Variants in ZBTB10 observed in about 807,000 individuals in gnomAD.
ZBTB10 encodes zinc finger and BTB domain-containing protein 10.
ZBTB10 carries 32 observed loss-of-function variants against 76.4 expected under a neutral mutation model. The ratio of observed to expected loss-of-function variants is 0.42; its 90% CI spans 0.32 to 0.56. ZBTB10 has a LOEUF of 0.56. ZBTB10 is among the 20% of genes least tolerant of loss of function. The probability of loss-of-function intolerance (pLI) is 0.14; values close to 1 mark genes in which losing one functional copy is unlikely to be tolerated. For missense variants in ZBTB10, 1,057 were observed against 1,098.5 expected, an observed-to-expected ratio of 0.96 and a Z score of 0.53; for synonymous variants, 523 against 432.9, an observed-to-expected ratio of 1.21 and a Z score of -2.58.
Position 80,487,771 on chromosome 8 carries a change from G to A in ZBTB10, c.961G>A (p.Ala321Thr), listed in dbSNP as rs199498627. 2.7e-4 allele frequency: 435 copies of A among 1,596,986 alleles called. No individual in the cohort carries two copies. The Middle Eastern group carries it at 3.5e-3, about 13-fold the overall frequency. Residue 321 changes from alanine (A) to threonine (T), a missense_variant, in exon 1 of 6, where the codon GCC (alanine) becomes ACC (threonine). By Grantham distance (58) the Ala-to-Thr change is moderately conservative. This residue lies in a region of ZBTB10 where 556 missense variants were observed against 451.7 expected (regional missense o/e 1.23). Transcript: ENST00000455036. ...CTCTACCGAGCACAAACTCCACGAA[G>A]CCAACGCCCAGGTACAGTATATCCT... The part of the protein sequence containing the change: ...HVSTEHKLHE[A>T]NAQESEIPSE...
intron 3 of ZBTB10, among the ~76,000 whole-genome samples, chr8:80,515,708 AGTATTTTT>A (rs1816310491): frequency 6.6e-6 from 1 of 152,210 alleles, no homozygotes; most frequent in South Asian, 2.1e-4. Context: ...TCGATTCATT[AGTATTTTT>A]GCATCTGAGA....
At chr8:80,512,525 A>T (rs893281504) in intron 2 of ZBTB10, among the ~76,000 whole-genome samples, 4 of 152,170 alleles carry the variant, frequency 2.6e-5, no homozygotes, top group Non-Finnish European at 5.9e-5. Context: ...AGCCTGGGCA[A>T]CATAGTGAGA....
At chr8:80,496,169 A>T (rs1439540358) in intron 1 of ZBTB10, among the ~76,000 whole-genome samples, 1 of 152,146 alleles carries the variant, frequency 6.6e-6, no homozygotes, top group East Asian at 1.9e-4. Flanking sequence ...GTTATTAGGG[A>T]CCTATTTTGA....
chr8:80,500,303 G>C lies in ZBTB10; in HGVS notation c.1782G>C (p.Thr594=). 6.3e-7 allele frequency: 1 copy of C among 1,580,336 alleles called. No individual in the cohort carries two copies. Among genetic ancestry groups the C allele is most frequent in the Non-Finnish European group, 8.6e-7 (1 of 1,162,406 alleles). The change falls in exon 2 of 6, where the codon ACG becomes ACC. Residue 594 remains threonine, a synonymous_variant. Coordinates refer to ENST00000455036, the MANE Select transcript of ZBTB10 (RefSeq NM_001105539.3). ...FIYNIPPNNE[T]NLEDCSVMQP... is the part of the protein sequence containing the mutation. ...ATAATATTCCACCTAATAATGAAACGAATTTAGAAGATTGCTCAGTAATGC... is the reference window on the plus strand; with the variant it reads ...ATAATATTCCACCTAATAATGAAACCAATTTAGAAGATTGCTCAGTAATGC...
At chr8:80,496,463 G>A (rs1345300087) in intron 1 of ZBTB10, among the ~76,000 whole-genome samples, 1 of 149,456 alleles carries the variant, frequency 6.7e-6, no homozygotes, top group Admixed American at 6.7e-5. Context: ...TGCTGTTGTT[G>A]GTTATAAAAA....
At chr8:80,488,311 C>T (rs1020013357) in intron 1 of ZBTB10, among the ~76,000 whole-genome samples, 1 of 152,122 alleles carries the variant, frequency 6.6e-6, no homozygotes, top group African/African-American at 2.4e-5. Flanking sequence ...AGTATGAGAG[C>T]AGTATGTAAA....
rs1211517862 is a variant in ZBTB10, at chr8:80,487,359, C to T, written c.549C>T (p.Ser183=). The T allele has an allele frequency of 4.6e-6, 7 of 1,528,658 alleles. No homozygotes were observed. In the African/African-American group the frequency reaches 5.5e-5, roughly 12 times the overall value. 94.7% of individuals were successfully genotyped at this position (1,528,658 alleles called of 1,614,324 possible). A position where few individuals can be genotyped will look rare whatever the true frequency, so the allele number is the denominator to read the frequency against. ...LMQDGASLSD[S]TEDEEEGASL... is the part of the protein sequence containing the mutation. ...AGGACGGCGCGTCCCTGAGCGACAG[C>T]ACCGAGGACGAGGAGGAGGGGGCGA... Residue 183 remains serine (S), a synonymous_variant, in exon 1 of 6, where the codon AGC becomes AGT. Transcript: ENST00000455036.
Position 80,522,053 on chromosome 8 carries a change from T to C in ZBTB10, c.*2525T>C, listed in dbSNP as rs956541717. On this transcript the variant is annotated 3_prime_UTR_variant, in exon 6 of 6. Transcript: ENST00000455036. ...TTTTACCGGAAACAGAATTGACAGA[T>C]TTTTCTACTTGCTGACTGCCTAACT... 2 of 151,954 alleles carry C rather than the reference T, an allele frequency of 1.3e-5. No individual in the cohort carries two copies. Among genetic ancestry groups the C allele is most frequent in the Non-Finnish European group, 2.9e-5 (2 of 67,842 alleles). The allele number at this position is 151,954 out of a possible 1,614,324, so 9.4% of individuals were successfully genotyped here.
At position 80,525,636 on chromosome 8, in the gene ZBTB10, CCAGT is replaced by C. The variant is rs1336758919; in HGVS notation, c.*6113_*6116del. On this transcript the variant is annotated 3_prime_UTR_variant, in exon 6 of 6. Transcript: ENST00000455036. ...ACCCAGAGAGGTTGCTACAGTGACT[CCAGT>C]CAGTTTTAGGACCCAGGACTCCTGA... 6.6e-6 allele frequency: 1 copy of C among 152,038 alleles called. No homozygotes were observed. Among genetic ancestry groups the C allele is most frequent in the Non-Finnish European group, 1.5e-5 (1 of 68,004 alleles). The allele number at this position is 152,038 out of a possible 1,614,324, so 9.4% of individuals were successfully genotyped here. A position where few individuals can be genotyped will look rare whatever the true frequency, so the allele number is the denominator to read the frequency against.
intron 1 of ZBTB10, among the ~76,000 whole-genome samples, chr8:80,492,170 A>G (rs1291891957): frequency 6.6e-6 from 1 of 152,112 alleles, no homozygotes; most frequent in African/African-American, 2.4e-5. Flanking sequence ...TTTCTTATTT[A>G]TATATTTTAC....
chr8:80,505,854 C>T (rs555613576), intron 2 of ZBTB10, among the ~76,000 whole-genome samples: 4 of 152,068 alleles, frequency 2.6e-5, no homozygotes, highest in South Asian at 2.1e-4. Flanking sequence ...CTCACTCTCC[C>T]GCAATCAGCC....
intron 2 of ZBTB10, among the ~76,000 whole-genome samples, chr8:80,511,638 G>T (rs1276763858): frequency 6.6e-6 from 1 of 151,988 alleles, no homozygotes; most frequent in Non-Finnish European, 1.5e-5. Flanking sequence ...GCACATGCCT[G>T]GCCAATTTTA....
At chr8:80,506,337 T>TA (rs1251321824) in intron 2 of ZBTB10, among the ~76,000 whole-genome samples, 2 of 152,060 alleles carry the variant, frequency 1.3e-5, no homozygotes, top group Non-Finnish European at 2.9e-5. Context: ...TTTTTTGAGA[T>TA]AGAGTTTCAC....
Position 80,499,867 on chromosome 8 carries a change from G to A in ZBTB10, c.1346G>A (p.Ser449Asn). The A allele has an allele frequency of 1.2e-6, 2 of 1,613,936 alleles. No homozygotes were observed. The highest frequency in any genetic ancestry group is 1.7e-6 in the Non-Finnish European group (2 of 1,179,880). ...ACCGTGGCCAGCTATCTTCAAATGAGTGAAGTTGTTCAAACTTGCCGAAAT... is the reference window on the plus strand; with the variant it reads ...ACCGTGGCCAGCTATCTTCAAATGAATGAAGTTGTTCAAACTTGCCGAAAT... Reference protein sequence around the residue: ...VMTVASYLQMSEVVQTCRNFI... With the variant: ...VMTVASYLQMNEVVQTCRNFI... The change falls in exon 2 of 6, where the codon AGT becomes AAT. Residue 449 changes from serine (S) to asparagine (N), a missense_variant. By Grantham distance (46) the Ser-to-Asn change is conservative. Coordinates refer to ENST00000455036, the MANE Select transcript of ZBTB10 (RefSeq NM_001105539.3).
chr8:80,488,477 A>G (rs765953180), intron 1 of ZBTB10, among the ~76,000 whole-genome samples: 9 of 152,114 alleles, frequency 5.9e-5, no homozygotes, highest in Non-Finnish European at 8.8e-5. Context: ...TTCTTTTTGT[A>G]CTGTTCCTTT....
chr8:80,487,909 A>T (rs753124173), intron 1 of ZBTB10, 127 bp downstream of exon 1: 90 of 1,128,182 alleles, frequency 8.0e-5, no homozygotes, highest in Non-Finnish European at 1.1e-4. Context: ...ACATCGTTCC[A>T]GTTGAGAGGT....
At chr8:80,498,897 G>A (rs1436063957) in intron 1 of ZBTB10, among the ~76,000 whole-genome samples, 1 of 152,186 alleles carries the variant, frequency 6.6e-6, no homozygotes, top group Non-Finnish European at 1.5e-5. Flanking sequence ...AAAGTTGATA[G>A]GAAATTATAT....
At chr8:80,508,113 T>C (rs567756419) in intron 2 of ZBTB10, among the ~76,000 whole-genome samples, 1 of 152,190 alleles carries the variant, frequency 6.6e-6, no homozygotes, top group South Asian at 2.1e-4. Context: ...CTGTTGATTA[T>C]TACCTGTAAG....
In ZBTB10 at chr8:80,515,174, A is replaced by C. The variant is rs140481961; in HGVS notation, c.1960+1166A>C. The stretch of plus-strand genomic sequence containing the variant: ...GGAGCATGTTCTAGAAGATGCATTT[A>C]GGCTTGAAGTTATGAGCATGCATGT... On this transcript the variant is annotated intron_variant, in intron 3 of 5. Coordinates refer to ENST00000455036, the MANE Select transcript of ZBTB10 (RefSeq NM_001105539.3). Among the ~76,000 whole-genome samples the C allele has an allele frequency of 1.9e-3, 290 of 152,352 alleles. 2 individuals carry two copies. The highest frequency in any genetic ancestry group is 6.6e-3 in the African/African-American group (274 of 41,586).
Sources: gnomAD v4.1 joint callset for allele counts (sites outside exome capture counted in the v4.1 genomes callset) on GRCh38, gnomAD v4.1.1 for gene constraint, gnomAD v4.1.1 regional missense constraint, MANE v1.5 for transcripts, NCBI Gene and HGNC (gene_info 2026-07-23, HGNC 2026-07-21) for gene names.